Variants in ACAN observed in about 807,000 individuals in gnomAD.
The protein encoded by ACAN is aggrecan.
A neutral mutation model predicts 169.1 loss-of-function variants in ACAN; 47 were observed. The observed-to-expected ratio is 0.28, with a 90% confidence interval of 0.22 to 0.35. The LOEUF is 0.35. Among genes scored for constraint, ACAN ranks in the 10% least tolerant of loss-of-function variants. ACAN has a pLI of 1.00. For missense variants in ACAN, 2,716 were observed against 2,759.9 expected, an observed-to-expected ratio of 0.98 and a Z score of 0.36; for synonymous variants, 1,115 against 1,112.2, an observed-to-expected ratio of 1.00 and a Z score of -0.05.
intron 1 of ACAN, among the ~76,000 whole-genome samples, chr15:88,818,864 G>A (rs966034214): frequency 5.9e-5 from 9 of 152,198 alleles, no homozygotes; most frequent in Admixed American, 3.3e-4. Flanking sequence ...ATGTGAATAC[G>A]CGATGCCACT....
chr15:88,810,772 A>G (rs1159583425), intron 1 of ACAN, among the ~76,000 whole-genome samples: 1 of 152,190 alleles, frequency 6.6e-6, no homozygotes, highest in African/African-American at 2.4e-5. Flanking sequence ...ATGTGCTCCA[A>G]GAGATTCTGC....
At chr15:88,826,576 T>C (rs1410443679) in intron 1 of ACAN, among the ~76,000 whole-genome samples, 1 of 151,920 alleles carries the variant, frequency 6.6e-6, no homozygotes, top group Admixed American at 6.5e-5. Context: ...GGGAACCCCC[T>C]CCTCCAAAAT....
In ACAN at chr15:88,873,865, G is replaced by A; in HGVS notation, c.7471G>A (p.Val2491Met). 6.2e-7 allele frequency: 1 copy of A among 1,613,816 alleles called. No homozygotes were observed. ...GTVACGEPPV[V>M]EHARTFGQKK... ...AGTGGCCTGCGGAGAGCCCCCTGTG[G>A]TGGAGCATGCCAGGACCTTCGGGCA... The change falls in exon 18 of 19, where the codon GTG becomes ATG. Residue 2491 changes from valine to methionine, a missense_variant. Transcript: ENST00000560601. This position sits in a 1 kb window ranked among gnomAD's most constrained non-coding sequence, Gnocchi z 7.5.
chr15:88,831,400 G>A (rs945993306), intron 1 of ACAN, among the ~76,000 whole-genome samples: 1 of 152,232 alleles, frequency 6.6e-6, no homozygotes, highest in African/African-American at 2.4e-5. Context: ...ACCTCATTTG[G>A]CTGGGCACCA....
chr15:88,839,038 T>C lies in ACAN; in HGVS notation c.446T>C (p.Val149Ala). Residue 149 changes from valine (V) to alanine (A), a missense_variant, in exon 3 of 19, where the codon GTG becomes GCG. Physicochemically the swap from Val to Ala is moderately conservative, Grantham distance 64 (BLOSUM62 0). Coordinates refer to ENST00000560601, the MANE Select transcript of ACAN (RefSeq NM_001369268.1). The surrounding 1 kb of genome is among the most constrained non-coding windows in gnomAD (Gnocchi z 4.5). Reference protein sequence around the residue: ...IEDSEATLEVVVKGIVFHYRA... With the variant: ...IEDSEATLEVAVKGIVFHYRA... The stretch of plus-strand genomic sequence containing the variant: ...GACAGCGAGGCCACCCTGGAAGTCG[T>C]GGTGAAAGGTGAGAGCCTCCCACAG... 2 of 1,602,366 alleles carry C rather than the reference T, an allele frequency of 1.2e-6. No individual in the cohort carries two copies. The highest frequency in any genetic ancestry group is 1.7e-6 in the Non-Finnish European group (2 of 1,179,672).
intron 1 of ACAN, among the ~76,000 whole-genome samples, chr15:88,818,730 G>C (rs59579856): frequency 2.0e-5 from 3 of 152,118 alleles, no homozygotes; most frequent in South Asian, 4.1e-4. Flanking sequence ...GATTTTCAAG[G>C]GGAATTTTGA....
exon 19 of ACAN, chr15:88,875,352 GATCT>G (rs916087441): frequency 1.8e-4 from 28 of 151,884 alleles, no homozygotes; most frequent in East Asian, 3.9e-4. This position sits in a 1 kb window ranked among gnomAD's most constrained non-coding sequence, Gnocchi z 4.8. Flanking sequence ...CATTGGAAGA[GATCT>G]ATCTCTTTTC....
rs575356012 is a variant in ACAN, at chr15:88,839,152, C to T, written c.454+106C>T. ...GCTGGCCTTCAAACCAGCTCCTCCA[C>T]GCACCTCAGCCAAGTTACTTAACTT... On this transcript the variant is annotated intron_variant, in intron 3 of 18. Transcript: ENST00000560601. The surrounding 1 kb of genome is among the most constrained non-coding windows in gnomAD (Gnocchi z 4.5). The T allele has an allele frequency of 1.8e-4, 260 of 1,425,182 alleles. No homozygotes were observed. The highest frequency in any genetic ancestry group is 1.0e-3 in the Middle Eastern group (4 of 3,948). 88.3% of individuals were successfully genotyped at this position (1,425,182 alleles called of 1,614,324 possible).
At chr15:88,850,188 C>A (rs1896900461) in intron 10 of ACAN, 1 of 299,622 alleles carries the variant, frequency 3.3e-6, no homozygotes. Flanking sequence ...TAATATATAG[C>A]TTTATTTTGT....
At chr15:88,841,159 C>T (rs1725191248) in intron 4 of ACAN, among the ~76,000 whole-genome samples, 1 of 152,200 alleles carries the variant, frequency 6.6e-6, no homozygotes, top group Non-Finnish European at 1.5e-5. Flanking sequence ...AATAAAAGAA[C>T]TGTACTCAAA....
intron 1 of ACAN, among the ~76,000 whole-genome samples, chr15:88,817,973 T>C (rs1183107062): frequency 6.6e-6 from 1 of 152,218 alleles, no homozygotes; most frequent in East Asian, 1.9e-4. Flanking sequence ...CCTGTCTTTT[T>C]CCCATTGAAT....
Position 88,872,301 on chromosome 15 carries a change from A to G in ACAN, c.7302+216A>G, listed in dbSNP as rs1897399921. On this transcript the variant is annotated intron_variant, in intron 16 of 18. Transcript: ENST00000560601. This position sits in a 1 kb window ranked among gnomAD's most constrained non-coding sequence, Gnocchi z 5.4. ...TAATGATGGCAAGAGGCAAGGAGCC[A>G]GGAAGGAAATGAAGGAATAACAGCC... 6.6e-6 allele frequency among the ~76,000 whole-genome samples: 1 copy of G among 152,210 alleles called. No homozygotes were observed. Among genetic ancestry groups the G allele is most frequent in the Non-Finnish European group, 1.5e-5 (1 of 68,020 alleles).
At chr15:88,848,238 TG>T (rs1458160803) in intron 9 of ACAN, among the ~76,000 whole-genome samples, 200 bp downstream of exon 9, 2 of 152,140 alleles carry the variant, frequency 1.3e-5, no homozygotes, top group African/African-American at 4.8e-5. Flanking sequence ...TCCTACTGAA[TG>T]TTTCATGTGG....
intron 1 of ACAN, among the ~76,000 whole-genome samples, chr15:88,812,479 A>C (rs902207387): frequency 2.0e-5 from 3 of 152,156 alleles, no homozygotes; most frequent in African/African-American, 7.2e-5. Context: ...CTTGGCCTAC[A>C]GGCCCCCAAG....
chr15:88,847,371 G>A lies in ACAN; in HGVS notation c.1558G>A (p.Gly520Ser), dbSNP rs1893633182. 6.3e-7 allele frequency: 1 copy of A among 1,591,962 alleles called. No homozygotes were observed. Among genetic ancestry groups the A allele is most frequent in the Non-Finnish European group, 8.6e-7 (1 of 1,169,370 alleles). Residue 520 changes from glycine to serine, a missense_variant, in exon 8 of 19, where the codon GGC becomes AGC. Physicochemically the swap from Gly to Ser is moderately conservative, Grantham distance 56. This residue lies in a region of ACAN where 1,283 missense variants were observed against 1,281.5 expected (regional missense o/e 1.00). Transcript: ENST00000560601. ...GCAGCTCCAGGCCGCCTACGAAGCA[G>A]GCTATGAGCAGTGTGACGCCGGCTG... ...PEQLQAAYEA[G>S]YEQCDAGWLR...
Position 88,857,379 on chromosome 15 carries a change from G to A in ACAN, c.4794G>A (p.Gly1598=), listed in dbSNP as rs369641436. Residue 1598 remains glycine (G), a synonymous_variant, in exon 12 of 19, where the codon GGG becomes GGA. Coordinates refer to ENST00000560601, the MANE Select transcript of ACAN (RefSeq NM_001369268.1). ...CTTCTGGAAAAGAAGACTTGGTGGGGTCAGCTTCTGGAGACTTGGACTTGG... is the reference window on the plus strand; with the variant it reads ...CTTCTGGAAAAGAAGACTTGGTGGGATCAGCTTCTGGAGACTTGGACTTGG... ...GLPSGKEDLV[G]SASGDLDLGK... The A allele has an allele frequency of 1.2e-6, 2 of 1,613,944 alleles. No individual in the cohort carries two copies. Among genetic ancestry groups the A allele is most frequent in the South Asian group, 1.1e-5 (1 of 91,084 alleles).
In ACAN at chr15:88,859,147, A is replaced by C; in HGVS notation, c.6562A>C (p.Thr2188Pro). 6.2e-7 allele frequency: 1 copy of C among 1,613,636 alleles called. No individual in the cohort carries two copies. Among genetic ancestry groups the C allele is most frequent in the Non-Finnish European group, 8.5e-7 (1 of 1,179,876 alleles). Residue 2188 changes from threonine (T) to proline (P), a missense_variant, in exon 12 of 19, where the codon ACT (threonine) becomes CCT (proline). By Grantham distance (38) the Thr-to-Pro change is conservative. Around this residue, in one of 3 missense-constraint regions of ACAN, gnomAD observed 1,389 missense variants for 1,363.7 expected, o/e 1.02. Transcript: ENST00000560601. ...GTEAPGLPSA[T>P]PTASGDRTEI... ...AGAGGCACCAGGCTTGCCTTCAGCC[A>C]CTCCCACGGCTTCTGGAGACAGGAC...
chr15:88,869,523 G>T lies in ACAN; in HGVS notation c.7060+1194G>T, dbSNP rs1897334800. ...CAAGAAATTGGTATATGGGGTCTTG[G>T]CTGGGGTGGAAGCAGAGACTACAAG... On this transcript the variant is annotated intron_variant, in intron 14 of 18. Transcript: ENST00000560601. The surrounding 1 kb of genome is among the most constrained non-coding windows in gnomAD (Gnocchi z 4.2). Among the ~76,000 whole-genome samples, 1 of 152,208 alleles carries T rather than the reference G, an allele frequency of 6.6e-6. No individual in the cohort carries two copies. The highest frequency in any genetic ancestry group is 1.5e-5 in the Non-Finnish European group (1 of 68,038).
intron 1 of ACAN, among the ~76,000 whole-genome samples, chr15:88,833,706 C>A (rs1204795368): frequency 1.4e-5 from 2 of 143,274 alleles, no homozygotes; most frequent in African/African-American, 5.4e-5. Context: ...GTTTCTCTGC[C>A]CACTCCACCC....
Sources: allele counts gnomAD v4.1 joint callset (sites outside exome capture counted in the v4.1 genomes callset), GRCh38; gene constraint gnomAD v4.1.1; regional missense constraint gnomAD v4.1.1; non-coding constraint Gnocchi (gnomAD v3.1); transcripts MANE v1.5; gene names NCBI Gene and HGNC (gene_info 2026-07-23, HGNC 2026-07-21).